The following NWD2 variants were observed in gnomAD, a reference collection of about 807,000 sequenced individuals.
NWD2 encodes the protein NACHT and WD repeat domain containing 2.
Under a neutral mutation model 132.7 loss-of-function variants are expected in NWD2, and 37 were observed. The ratio of observed to expected loss-of-function variants is 0.28; its 90% CI spans 0.21 to 0.37. NWD2 has a LOEUF of 0.37. Ranked by LOEUF, NWD2 falls within the 10% of genes least tolerant of loss-of-function variation. NWD2 has a pLI of 1.00. For missense variants in NWD2, 1,592 were observed against 2,122.4 expected (o/e 0.75, Z 4.91); for synonymous variants, 705 against 803.0 (o/e 0.88, Z 2.06).
At chr4:37,388,788 A>T (rs112908567) in intron 3 of NWD2, among the ~76,000 whole-genome samples, 5,508 of 148,576 alleles carry the variant, frequency 0.037, 343 homozygotes, top group African/African-American at 0.13. Context: ...AATTACATTC[A>T]CAATGTTGCA....
At position 37,356,501 on chromosome 4, in the gene NWD2, A is replaced by C. The variant is rs1221036944; in HGVS notation, c.357+19A>C. On this transcript the variant is annotated intron_variant, in intron 3 of 6. Coordinates refer to ENST00000309447, the MANE Select transcript of NWD2 (RefSeq NM_001144990.2). ...TTTTGTTGTGGGTATAAAAAAACTA[A>C]TGCTTTATATTAACTTTTAGATGAA... 7.3e-7 allele frequency: 1 copy of C among 1,362,854 alleles called. No individual in the cohort carries two copies. The highest frequency in any genetic ancestry group is 1.0e-6 in the Non-Finnish European group (1 of 976,112). 84.4% of individuals were successfully genotyped at this position (1,362,854 alleles called of 1,614,324 possible).
intron 6 of NWD2, among the ~76,000 whole-genome samples, chr4:37,442,938 T>C (rs1235156351): frequency 6.6e-6 from 1 of 152,022 alleles, no homozygotes; most frequent in East Asian, 1.9e-4. Context: ...GGGTATTCAT[T>C]CAGTGATACA....
chr4:37,273,790 T>C (rs933454884), intron 1 of NWD2, among the ~76,000 whole-genome samples: 1 of 151,698 alleles, frequency 6.6e-6, no homozygotes, highest in African/African-American at 2.4e-5. Flanking sequence ...TCAAAACAGC[T>C]CAACTACATG....
intron 3 of NWD2, among the ~76,000 whole-genome samples, chr4:37,394,799 G>GTTTTTTGTTTTTT (rs1720747141): frequency 3.8e-5 from 2 of 52,596 alleles, no homozygotes; most frequent in Non-Finnish European, 6.4e-5. Context: ...AACCTTTATG[G>GTTTTTTGTTTTTT]TTTTTTTTTT....
At chr4:37,389,367 T>C (rs964491795) in intron 3 of NWD2, among the ~76,000 whole-genome samples, 1 of 152,236 alleles carries the variant, frequency 6.6e-6, no homozygotes, top group African/African-American at 2.4e-5. Flanking sequence ...TAATGTGTAT[T>C]AATATTTTTA....
At chr4:37,321,850 T>C (rs937677609) in intron 1 of NWD2, among the ~76,000 whole-genome samples, 2 of 152,172 alleles carry the variant, frequency 1.3e-5, no homozygotes, top group East Asian at 3.8e-4. Context: ...AGAAAACCCA[T>C]TGGATATGTG....
chr4:37,321,456 A>T (rs919631397), intron 1 of NWD2, among the ~76,000 whole-genome samples: 1 of 152,198 alleles, frequency 6.6e-6, no homozygotes, highest in Non-Finnish European at 1.5e-5. Flanking sequence ...TAAATACCTA[A>T]TAGTTAGTGC....
rs185623069 is a variant in NWD2, at chr4:37,338,569, C to T, written c.240+12545C>T. 1.7e-3 allele frequency among the ~76,000 whole-genome samples: 263 copies of T among 152,314 alleles called. 1 individual carries two copies. The highest frequency in any genetic ancestry group is 5.8e-3 in the African/African-American group (242 of 41,558). The stretch of plus-strand genomic sequence containing the variant: ...AGAGGACGAAGAATTGGGCACGAAT[C>T]GCCAACTAGTTTTAGGCAAATAAAG... On this transcript the variant is annotated intron_variant, in intron 2 of 6. Coordinates refer to ENST00000309447, the MANE Select transcript of NWD2 (RefSeq NM_001144990.2).
intron 3 of NWD2, among the ~76,000 whole-genome samples, chr4:37,373,451 G>A (rs1720272622): frequency 6.6e-6 from 1 of 152,162 alleles, no homozygotes; most frequent in African/African-American, 2.4e-5. Context: ...CAAATTCAAG[G>A]GCTGCGGATC....
chr4:37,370,017 G>T (rs768262877), intron 3 of NWD2, among the ~76,000 whole-genome samples: 1 of 152,116 alleles, frequency 6.6e-6, no homozygotes, highest in Non-Finnish European at 1.5e-5. Flanking sequence ...GCATCTGTGC[G>T]GGATGTGCAG....
At chr4:37,413,006 A>G (rs189108939) in intron 3 of NWD2, among the ~76,000 whole-genome samples, 125 of 152,346 alleles carry the variant, frequency 8.2e-4, no homozygotes, top group African/African-American at 2.5e-3. Flanking sequence ...AAGACCTAGG[A>G]CCATAAAAAT....
chr4:37,265,041 A>G (rs1000558129), intron 1 of NWD2, among the ~76,000 whole-genome samples: 3 of 152,092 alleles, frequency 2.0e-5, no homozygotes, highest in African/African-American at 7.2e-5. Context: ...TTAAAATCAG[A>G]TCAAAAATGT....
chr4:37,382,897 T>C (rs533982627), intron 3 of NWD2, among the ~76,000 whole-genome samples: 1 of 152,096 alleles, frequency 6.6e-6, no homozygotes, highest in African/African-American at 2.4e-5. Flanking sequence ...TTTCACCATG[T>C]TGCCAAGGCT....
chr4:37,291,840 C>G (rs904367945), intron 1 of NWD2, among the ~76,000 whole-genome samples: 1 of 151,964 alleles, frequency 6.6e-6, no homozygotes, highest in African/African-American at 2.4e-5. Flanking sequence ...TTAAACTTAC[C>G]CCAAAACATT....
chr4:37,367,741 C>A (rs994641603), intron 3 of NWD2, among the ~76,000 whole-genome samples: 1 of 152,108 alleles, frequency 6.6e-6, no homozygotes, highest in Non-Finnish European at 1.5e-5. Context: ...GTGTTGAACA[C>A]GTTTCCTCTT....
At chr4:37,324,126 C>A (rs538496717) in intron 1 of NWD2, among the ~76,000 whole-genome samples, 1 of 151,958 alleles carries the variant, frequency 6.6e-6, no homozygotes, top group Admixed American at 6.6e-5. Flanking sequence ...AGGTAACAAA[C>A]CTGCACATGT....
At chr4:37,362,372 A>G (rs1480538140) in intron 3 of NWD2, among the ~76,000 whole-genome samples, 2 of 152,236 alleles carry the variant, frequency 1.3e-5, no homozygotes. Context: ...AAAGCTAACC[A>G]AAAAGAACAA....
At position 37,447,605 on chromosome 4, in the gene NWD2, A is replaced by C; in HGVS notation, c.*388A>C. On this transcript the variant is annotated 3_prime_UTR_variant, in exon 7 of 7. Transcript: ENST00000309447. ...ATCAGCTGAAATCATGAAGACAAAG[A>C]GCTGCTTGACTTCAAATGATTGTGT... 1 of 203,778 alleles carries C rather than the reference A, an allele frequency of 4.9e-6. No individual in the cohort carries two copies. Among genetic ancestry groups the C allele is most frequent in the South Asian group, 1.0e-4 (1 of 9,534 alleles). The allele number at this position is 203,778 out of a possible 1,614,324, so 12.6% of individuals were successfully genotyped here.
intron 1 of NWD2, among the ~76,000 whole-genome samples, chr4:37,290,539 A>G (rs1447716302): frequency 6.6e-6 from 1 of 152,228 alleles, no homozygotes; most frequent in East Asian, 1.9e-4. Flanking sequence ...CAGTCAGGAA[A>G]GGCTTCCAAG....
Sources: gnomAD v4.1 joint callset for allele counts (sites outside exome capture counted in the v4.1 genomes callset) on GRCh38, gnomAD v4.1.1 for gene constraint, MANE v1.5 for transcripts, NCBI Gene and HGNC (gene_info 2026-07-23, HGNC 2026-07-21) for gene names.